Variants in VPS13C observed in about 807,000 individuals in gnomAD.
VPS13C encodes vacuolar protein sorting 13 homolog C, also known as intermembrane lipid transfer protein VPS13C.
In VPS13C, 358 loss-of-function variants were observed where a neutral mutation model predicts 456.8. The observed-to-expected ratio is 0.78, with a 90% CI of 0.72 to 0.86. The LOEUF is 0.86. VPS13C is among the 40% of genes least tolerant of loss of function. VPS13C has a pLI of 0.00. For synonymous variants in VPS13C, 1,578 were observed against 1,486.7 expected, an observed-to-expected ratio of 1.06 and a Z score of -1.41; for missense variants, 4,818 against 4,385.4, an observed-to-expected ratio of 1.10 and a Z score of -2.79.
At chr15:62,046,276 T>C (rs2048399305) in intron 1 of VPS13C, among the ~76,000 whole-genome samples, 1 of 152,114 alleles carries the variant, frequency 6.6e-6, no homozygotes, top group South Asian at 2.1e-4. Flanking sequence ...AGAGTCATAG[T>C]AAAGAGTTAT....
intron 24 of VPS13C, among the ~76,000 whole-genome samples, chr15:61,975,781 A>G (rs2045684978): frequency 6.6e-6 from 1 of 152,052 alleles, no homozygotes; most frequent in Non-Finnish European, 1.5e-5. Flanking sequence ...TGATACCAAA[A>G]CAAGAAAAGC....
At chr15:61,925,384 T>C in intron 53 of VPS13C, 72 bp downstream of exon 53, 1 of 835,020 alleles carries the variant, frequency 1.2e-6, no homozygotes, top group African/African-American at 1.8e-5. Context: ...AAAGATACTG[T>C]CTCAACTGCA....
intron 66 of VPS13C, among the ~76,000 whole-genome samples, chr15:61,897,659 C>T (rs2042869105): frequency 6.6e-6 from 1 of 151,882 alleles, no homozygotes; most frequent in Admixed American, 6.6e-5. Flanking sequence ...GAGAATGGAA[C>T]CAAGTTGGAA....
chr15:61,888,968 T>C (rs936060690), intron 67 of VPS13C, among the ~76,000 whole-genome samples: 1 of 152,072 alleles, frequency 6.6e-6, no homozygotes, highest in African/African-American at 2.4e-5. Flanking sequence ...AGAGTGCGGG[T>C]ACGTGAAAAC....
intron 55 of VPS13C, among the ~76,000 whole-genome samples, chr15:61,921,607 T>C (rs2043658470): frequency 6.6e-6 from 1 of 152,072 alleles, no homozygotes; most frequent in Non-Finnish European, 1.5e-5. Context: ...ATAAATAACA[T>C]TTTTAATCAA....
At chr15:62,014,373 C>G (rs556558406) in intron 9 of VPS13C, among the ~76,000 whole-genome samples, 12 of 152,034 alleles carry the variant, frequency 7.9e-5, no homozygotes, top group Non-Finnish European at 1.6e-4. Context: ...ATGGAAATTA[C>G]AGCATGACCA....
chr15:62,013,063 G>C lies in VPS13C; in HGVS notation c.801C>G (p.Tyr267Ter). 6.2e-7 allele frequency: 1 copy of C among 1,610,604 alleles called. No homozygotes were observed. Among genetic ancestry groups the C allele is most frequent in the Non-Finnish European group, 8.5e-7 (1 of 1,178,182 alleles). Residue 267 changes from tyrosine (Y) to a stop codon, truncating the protein, a stop_gained, in exon 11 of 85, where the codon TAC (tyrosine) becomes TAG (stop). Transcript: ENST00000644861. LOFTEE classifies it high-confidence loss of function. ...AYWNVNCSMS[Y>*]QRSREQILDQ... ...CCAAAATCTGTTCCCTTGATCTCTGGTAAGACATGCTGCAATTTACATTCC... is the reference window on the plus strand; with the variant it reads ...CCAAAATCTGTTCCCTTGATCTCTGCTAAGACATGCTGCAATTTACATTCC...
chr15:62,018,258 C>T (rs2047330325), intron 9 of VPS13C, among the ~76,000 whole-genome samples: 1 of 152,070 alleles, frequency 6.6e-6, no homozygotes, highest in African/African-American at 2.4e-5. Context: ...TTCCTCTTTT[C>T]CTAATTGAAT....
chr15:61,916,870 G>A (rs2043488766), intron 60 of VPS13C, among the ~76,000 whole-genome samples: 1 of 151,962 alleles, frequency 6.6e-6, no homozygotes, highest in African/African-American at 2.4e-5. Flanking sequence ...ACTTTAAGAT[G>A]AAATATTTTC....
intron 50 of VPS13C, 143 bp from the exon 51 acceptor site, chr15:61,929,891 T>C (rs1287420234): frequency 2.5e-6 from 2 of 814,414 alleles, no homozygotes; most frequent in Non-Finnish European, 3.7e-6. Context: ...AACTAGAATC[T>C]AATTTATCCA....
Position 61,882,633 on chromosome 15 carries a change from T to G in VPS13C, c.9587A>C (p.His3196Pro). 1 of 1,600,734 alleles carries G rather than the reference T, an allele frequency of 6.2e-7. No individual in the cohort carries two copies. The highest frequency in any genetic ancestry group is 8.5e-7 in the Non-Finnish European group (1 of 1,173,918). The stretch of plus-strand genomic sequence containing the variant: ...CAACCTGGCCCTTAAACTTCTCTGG[T>G]GAGAAGACTGCTTAAATTCAATCTG... ...GIQIEFKQSSHQRSLRARLYW... is the reference protein window; with the variant it reads ...GIQIEFKQSSPQRSLRARLYW... Residue 3196 changes from histidine to proline, a missense_variant, in exon 69 of 85, where the codon CAC becomes CCC. Coordinates refer to ENST00000644861, the MANE Select transcript of VPS13C (RefSeq NM_020821.3).
At chr15:61,985,550 C>T (rs2046022376) in intron 18 of VPS13C, among the ~76,000 whole-genome samples, 1 of 152,186 alleles carries the variant, frequency 6.6e-6, no homozygotes, top group Non-Finnish European at 1.5e-5. Context: ...AGCCACCGTA[C>T]CCAGCCCTCT....
chr15:62,010,805 CA>C (rs1359702497), intron 12 of VPS13C, among the ~76,000 whole-genome samples: 10 of 152,060 alleles, frequency 6.6e-5, no homozygotes, highest in African/African-American at 2.4e-4. Context: ...GCGAAATCTC[CA>C]AGGAGGAAAT....
chr15:61,972,563 A>G, intron 27 of VPS13C, 62 bp downstream of exon 27: 15 of 1,564,892 alleles, frequency 9.6e-6, no homozygotes, highest in Non-Finnish European at 1.3e-5. Flanking sequence ...GTCTAGCTTG[A>G]GGATAGCTTA....
chr15:61,880,455 T>C (rs1196551504), intron 73 of VPS13C, among the ~76,000 whole-genome samples, 154 bp downstream of exon 73: 1 of 152,116 alleles, frequency 6.6e-6, no homozygotes, highest in Non-Finnish European at 1.5e-5. Context: ...GCTGCACATA[T>C]GCTACAGAGA....
chr15:61,881,705 T>C, intron 70 of VPS13C, 42 bp downstream of exon 70: 1 of 1,601,216 alleles, frequency 6.2e-7, no homozygotes, highest in Non-Finnish European at 8.5e-7. Context: ...ATTTAACTTT[T>C]ATAAATAAGG....
chr15:62,033,667 A>G, intron 4 of VPS13C, 125 bp from the exon 5 acceptor site: 1 of 520,264 alleles, frequency 1.9e-6, no homozygotes, highest in Non-Finnish European at 3.1e-6. Flanking sequence ...ATACTTTCAC[A>G]TTTTTAGTTT....
intron 37 of VPS13C, among the ~76,000 whole-genome samples, chr15:61,957,324 AC>A (rs1159139491): frequency 6.6e-6 from 1 of 152,088 alleles, no homozygotes; most frequent in Non-Finnish European, 1.5e-5. Context: ...TTGGGTACTG[AC>A]TGAGAAAGGG....
intron 1 of VPS13C, among the ~76,000 whole-genome samples, chr15:62,048,590 A>G (rs1305520342): frequency 6.6e-6 from 1 of 152,188 alleles, no homozygotes; most frequent in Admixed American, 6.5e-5. Context: ...TTATAGCAGC[A>G]TGATTTATAA....
Sources: allele counts gnomAD v4.1 joint callset (sites outside exome capture counted in the v4.1 genomes callset), GRCh38; gene constraint gnomAD v4.1.1; transcripts MANE v1.5; gene names NCBI Gene and HGNC (gene_info 2026-07-23, HGNC 2026-07-21).